The following RAPGEF2 variants were observed in gnomAD, a reference collection of about 807,000 sequenced individuals.
RAPGEF2 encodes the protein PDZ domain containing guanine nucleotide exchange factor (GEF) 1.
In RAPGEF2, 54 loss-of-function variants were observed where a neutral mutation model predicts 186.7. That is an observed-to-expected ratio of 0.29 (90% CI 0.23 to 0.36). The LOEUF (loss-of-function observed/expected upper bound fraction) is 0.36. Among genes scored for constraint, RAPGEF2 ranks in the 10% least tolerant of loss-of-function variants. RAPGEF2 has a pLI of 1.00. For synonymous variants in RAPGEF2, 712 were observed against 705.9 expected, an observed-to-expected ratio of 1.01 and a Z score of -0.14; for missense variants, 1,532 against 2,045.0, an observed-to-expected ratio of 0.75 and a Z score of 4.84.
Position 159,339,241 on chromosome 4 carries a change from C to T in RAPGEF2, c.2421C>T (p.Thr807=), listed in dbSNP as rs1767894559. Residue 807 remains threonine (T), a synonymous_variant, in exon 19 of 30, where the codon ACC becomes ACT. Coordinates refer to ENST00000691494, the MANE Select transcript of RAPGEF2 (RefSeq NM_001394067.2). ...QAIREFAVTA[T]PDQYSLCEVS... ...TCAGGGAGTTTGCTGTTACTGCCAC[C>T]CCGGATCAATATTCACTATGTGAGG... 6.2e-7 allele frequency: 1 copy of T among 1,614,006 alleles called. No individual in the cohort carries two copies.
In RAPGEF2 at chr4:159,209,091, C is replaced by A. The variant is rs1750249510; in HGVS notation, c.198-1409C>A. Reference sequence around the variant, plus strand: ...ATTTTTAGTAGAGACGGGGTTTCACCACGTTGGCCAGGCTGGTCTTGAACT... The same window carrying A: ...ATTTTTAGTAGAGACGGGGTTTCACAACGTTGGCCAGGCTGGTCTTGAACT... On this transcript the variant is annotated intron_variant, in intron 3 of 29. Coordinates refer to ENST00000691494, the MANE Select transcript of RAPGEF2 (RefSeq NM_001394067.2). Among the ~76,000 whole-genome samples the A allele has an allele frequency of 1.3e-5, 2 of 151,106 alleles. 1 individual carries two copies. The highest frequency in any genetic ancestry group is 1.3e-4 in the Admixed American group (2 of 15,198).
At chr4:159,233,916 C>T (rs538905390) in intron 4 of RAPGEF2, among the ~76,000 whole-genome samples, 13 of 150,320 alleles carry the variant, frequency 8.6e-5, no homozygotes, top group African/African-American at 2.7e-4. Context: ...ATTACTGTAG[C>T]TTTGTAGTAA....
intron 7 of RAPGEF2, among the ~76,000 whole-genome samples, chr4:159,291,575 C>T (rs1316243065): frequency 6.6e-6 from 1 of 152,200 alleles, no homozygotes; most frequent in Non-Finnish European, 1.5e-5. Flanking sequence ...GGATTACAGG[C>T]ATGAGCCACC....
At chr4:159,354,153 CA>C (rs1341204309) in intron 28 of RAPGEF2, 107 bp downstream of exon 28, 20 of 1,208,720 alleles carry the variant, frequency 1.7e-5, no homozygotes, top group Non-Finnish European at 2.0e-5. Context: ...TCATTTTCTC[CA>C]TTGCTATGTA....
rs1765521098 is a variant in RAPGEF2, at chr4:159,323,554, C to G, written c.1086C>G (p.Val362=). ...EILCMGNSFG[V]SPTMDKEYMK... is the part of the protein sequence containing the mutation. ...TGTGCATGGGAAATAGTTTTGGTGT[C>G]TCTCCTACCATGGACAAAGAATACA... The change falls in exon 11 of 30, where the codon GTC becomes GTG. Residue 362 remains valine (V), a synonymous_variant. Transcript: ENST00000691494. 1 of 1,612,874 alleles carries G rather than the reference C, an allele frequency of 6.2e-7. No individual in the cohort carries two copies. Among genetic ancestry groups the G allele is most frequent in the Non-Finnish European group, 8.5e-7 (1 of 1,179,294 alleles).
At chr4:159,235,475 CTCTT>C (rs1280375559) in intron 4 of RAPGEF2, among the ~76,000 whole-genome samples, 3 of 152,228 alleles carry the variant, frequency 2.0e-5, no homozygotes, top group Admixed American at 6.5e-5. Flanking sequence ...TGCACTCACA[CTCTT>C]TATAAAATGT....
intron 4 of RAPGEF2, among the ~76,000 whole-genome samples, chr4:159,235,222 A>G (rs1043897719): frequency 1.2e-4 from 18 of 152,262 alleles, no homozygotes; most frequent in Admixed American, 1.0e-3. Flanking sequence ...CATGCATTGT[A>G]ATTATTGTTT....
In RAPGEF2 at chr4:159,321,635, G is replaced by A. The variant is rs562938965; in HGVS notation, c.854-712G>A. On this transcript the variant is annotated intron_variant, in intron 9 of 29. Transcript: ENST00000691494. ...AAGAACTTAGTGTGTAATTAGTAAA[G>A]CTACTGAATGATAAGAAAACACAGG... is the stretch of plus-strand genomic sequence containing the variant. Among the ~76,000 whole-genome samples the A allele has an allele frequency of 1.7e-4, 26 of 152,268 alleles. 1 individual carries two copies. The highest frequency in any genetic ancestry group is 6.0e-4 in the African/African-American group (25 of 41,562).
At chr4:159,193,970 A>G (rs975167733) in intron 3 of RAPGEF2, among the ~76,000 whole-genome samples, 4 of 152,222 alleles carry the variant, frequency 2.6e-5, no homozygotes, top group African/African-American at 9.6e-5. Context: ...TGAGGAAGGT[A>G]GAAATAGAAT....
intron 1 of RAPGEF2, among the ~76,000 whole-genome samples, chr4:159,120,889 C>T (rs1156442849): frequency 6.6e-6 from 1 of 151,450 alleles, no homozygotes; most frequent in Non-Finnish European, 1.5e-5. Flanking sequence ...GAGTCTTGCC[C>T]TGTTGCCCAG....
chr4:159,131,225 C>G (rs1174088094), intron 1 of RAPGEF2, among the ~76,000 whole-genome samples: 2 of 152,136 alleles, frequency 1.3e-5, no homozygotes, highest in African/African-American at 2.4e-5. Flanking sequence ...ATTCTGCTGC[C>G]TCATCTTCCT....
At chr4:159,124,455 C>G (rs1036428960) in intron 1 of RAPGEF2, among the ~76,000 whole-genome samples, 1 of 152,162 alleles carries the variant, frequency 6.6e-6, no homozygotes, top group Non-Finnish European at 1.5e-5. Context: ...AGGAGAATTG[C>G]TTGAACCTGG....
At chr4:159,273,634 CTTTCTTT>C (rs1561188357) in intron 7 of RAPGEF2, among the ~76,000 whole-genome samples, 1 of 25,502 alleles carries the variant, frequency 3.9e-5, no homozygotes, top group African/African-American at 1.5e-4. Flanking sequence ...CAGTTTCTTT[CTTTCTTT>C]CTTTCTTTCT....
intron 1 of RAPGEF2, among the ~76,000 whole-genome samples, chr4:159,132,161 AT>A (rs1741185575): frequency 6.6e-6 from 1 of 152,194 alleles, no homozygotes; most frequent in African/African-American, 2.4e-5. Context: ...ATTGAGAAAC[AT>A]TTATTCAGAT....
intron 1 of RAPGEF2, among the ~76,000 whole-genome samples, chr4:159,109,077 A>G (rs1415784057): frequency 6.6e-6 from 1 of 152,214 alleles, no homozygotes; most frequent in Non-Finnish European, 1.5e-5. Context: ...CGCCTCAGAT[A>G]TAAATGGACT....
intron 13 of RAPGEF2, among the ~76,000 whole-genome samples, chr4:159,330,922 G>A (rs890366847): frequency 2.0e-5 from 3 of 152,122 alleles, no homozygotes; most frequent in Non-Finnish European, 4.4e-5. Context: ...TAGGCCCCAG[G>A]ATTATAATTC....
chr4:159,267,163 A>G (rs1315124057), intron 7 of RAPGEF2: 1 of 1,281,544 alleles, frequency 7.8e-7, no homozygotes, highest in Non-Finnish European at 1.0e-6. Context: ...TAAGAGACAG[A>G]CTACAGTGTC....
At chr4:159,302,006 TACTC>T (rs1762730361) in intron 7 of RAPGEF2, among the ~76,000 whole-genome samples, 1 of 152,246 alleles carries the variant, frequency 6.6e-6, no homozygotes, top group African/African-American at 2.4e-5. Flanking sequence ...ACATGGCAGA[TACTC>T]AATAAGTATT....
intron 1 of RAPGEF2, among the ~76,000 whole-genome samples, chr4:159,154,438 A>G (rs1743895584): frequency 6.6e-6 from 1 of 151,272 alleles, no homozygotes; most frequent in African/African-American, 2.4e-5. Flanking sequence ...GAGAATGCAT[A>G]CTCGGTATTA....
Sources: gnomAD v4.1 joint callset for allele counts (sites outside exome capture counted in the v4.1 genomes callset) on GRCh38, gnomAD v4.1.1 for gene constraint, MANE v1.5 for transcripts, NCBI Gene and HGNC (gene_info 2026-07-23, HGNC 2026-07-21) for gene names.